GARNL3: variants seen among roughly 807,000 people sequenced by gnomAD.
GARNL3 encodes GTPase-activating Rap/Ran-GAP domain-like protein 3.
Under a neutral mutation model 125.0 loss-of-function variants are expected in GARNL3, and 63 were observed. The ratio of observed to expected loss-of-function variants is 0.50; its 90% confidence interval spans 0.41 to 0.62. The LOEUF (loss-of-function observed/expected upper bound fraction) is 0.62. Among genes scored for constraint, GARNL3 ranks in the 20% least tolerant of loss-of-function variants. The pLI, the probability that GARNL3 is intolerant of heterozygous loss-of-function variation, is 0.00. For missense variants in GARNL3, 994 were observed against 1,244.0 expected, an observed-to-expected ratio of 0.80 and a Z score of 3.02; for synonymous variants, 439 against 457.5, an observed-to-expected ratio of 0.96 and a Z score of 0.52.
At position 127,384,238 on chromosome 9, in the gene GARNL3, C is replaced by T. The variant is rs1052270127; in HGVS notation, c.2269+693C>T. Among the ~76,000 whole-genome samples the T allele has an allele frequency of 2.6e-5, 4 of 152,134 alleles. No individual in the cohort carries two copies. Among genetic ancestry groups the T allele is most frequent in the African/African-American group, 9.7e-5 (4 of 41,426 alleles). ...GACAGGAAAGGGAGATTTTGAACCA[C>T]GTTGCTGGAGGGGCTTGAAAGTCAT... On this transcript the variant is annotated intron_variant, in intron 23 of 27. Coordinates refer to ENST00000373387, the MANE Select transcript of GARNL3 (RefSeq NM_032293.5). This position sits in a 1 kb window ranked among gnomAD's most constrained non-coding sequence, Gnocchi z 4.0.
intron 2 of GARNL3, among the ~76,000 whole-genome samples, chr9:127,253,948 C>T (rs1192692901): frequency 6.6e-6 from 1 of 152,140 alleles, no homozygotes; most frequent in Non-Finnish European, 1.5e-5. Flanking sequence ...AGATTAGACA[C>T]TAGAAGGTCC....
chr9:127,318,331 T>C (rs1450117372), intron 5 of GARNL3, among the ~76,000 whole-genome samples: 1 of 152,154 alleles, frequency 6.6e-6, no homozygotes. Context: ...GACTGTGCCA[T>C]TTTATAGATG....
At chr9:127,325,396 G>A (rs2065538187) in intron 7 of GARNL3, among the ~76,000 whole-genome samples, 1 of 152,150 alleles carries the variant, frequency 6.6e-6, no homozygotes, top group African/African-American at 2.4e-5. Flanking sequence ...CATTAAAGTA[G>A]GGTGTGTGTG....
chr9:127,235,176 T>G (rs2063088738), intron 1 of GARNL3, among the ~76,000 whole-genome samples: 1 of 151,336 alleles, frequency 6.6e-6, no homozygotes, highest in Non-Finnish European at 1.5e-5. Flanking sequence ...TGAGAAAGTT[T>G]CCTTTTTTCC....
chr9:127,226,432 G>A, intron 1 of GARNL3, among the ~76,000 whole-genome samples: 1 of 152,212 alleles, frequency 6.6e-6, no homozygotes, highest in East Asian at 1.9e-4. Context: ...CATCGCGGGG[G>A]CAGAGAACAG....
chr9:127,358,970 G>T (rs1382106099), intron 21 of GARNL3, among the ~76,000 whole-genome samples: 2 of 152,014 alleles, frequency 1.3e-5, no homozygotes, highest in Non-Finnish European at 2.9e-5. Flanking sequence ...AGAATCTGGG[G>T]GGGTGTGGTA....
chr9:127,246,319 A>T (rs954095247), intron 2 of GARNL3, among the ~76,000 whole-genome samples: 1 of 152,158 alleles, frequency 6.6e-6, no homozygotes, highest in African/African-American at 2.4e-5. Flanking sequence ...AGCAACAGGA[A>T]TGGTGGGATT....
intron 9 of GARNL3, among the ~76,000 whole-genome samples, chr9:127,333,533 G>A (rs1829381113): frequency 6.6e-6 from 1 of 152,172 alleles, no homozygotes; most frequent in African/African-American, 2.4e-5. Context: ...CAACTGAGAA[G>A]AAAAAGTACA....
At chr9:127,272,794 T>C (rs2063855911) in intron 1 of GARNL3, among the ~76,000 whole-genome samples, 2 of 152,172 alleles carry the variant, frequency 1.3e-5, no homozygotes, top group African/African-American at 4.8e-5. Context: ...CACCAACAAG[T>C]TAACATGTTT....
chr9:127,286,619 T>C (rs1041767210), intron 1 of GARNL3, among the ~76,000 whole-genome samples: 1 of 152,232 alleles, frequency 6.6e-6, no homozygotes, highest in African/African-American at 2.4e-5. Context: ...CATTTTGAAA[T>C]TCAGTAATTA....
At chr9:127,286,343 T>C (rs559392370) in intron 1 of GARNL3, among the ~76,000 whole-genome samples, 3 of 152,322 alleles carry the variant, frequency 2.0e-5, no homozygotes, top group African/African-American at 7.2e-5. Flanking sequence ...CACTAGTAGT[T>C]CTCCTTTAGT....
At chr9:127,339,772 A>G (rs1418068527) in intron 13 of GARNL3, 21 bp downstream of exon 13, 13 of 1,469,630 alleles carry the variant, frequency 8.8e-6, no homozygotes, top group Non-Finnish European at 1.2e-5. Context: ...GTTTTGAAAC[A>G]ATTTTGCAAC....
At chr9:127,335,656 A>G (rs894623298) in intron 10 of GARNL3, among the ~76,000 whole-genome samples, 10 of 151,618 alleles carry the variant, frequency 6.6e-5, no homozygotes, top group African/African-American at 2.4e-4. Flanking sequence ...TTTTTAATAT[A>G]TTTGATTCAA....
intron 1 of GARNL3, among the ~76,000 whole-genome samples, chr9:127,241,780 TTTTG>T (rs2063209208): frequency 6.6e-6 from 1 of 151,982 alleles, no homozygotes; most frequent in Admixed American, 6.6e-5. Flanking sequence ...TTTTGTTTTG[TTTTG>T]TTTGAGACAG....
intron 26 of GARNL3, among the ~76,000 whole-genome samples, chr9:127,389,364 G>A (rs1396601825): frequency 6.6e-6 from 1 of 152,052 alleles, no homozygotes; most frequent in African/African-American, 2.4e-5. Context: ...GGGGGAAATG[G>A]GCAGTTTATA....
chr9:127,278,598 T>C lies in GARNL3; in HGVS notation c.145-12570T>C, dbSNP rs1038246563. Among the ~76,000 whole-genome samples, 4 of 152,234 alleles carry C rather than the reference T, an allele frequency of 2.6e-5. No individual in the cohort carries two copies. The East Asian group carries it at 5.8e-4, about 22-fold the overall frequency. On this transcript the variant is annotated intron_variant, in intron 1 of 27. Coordinates refer to ENST00000373387, the MANE Select transcript of GARNL3 (RefSeq NM_032293.5). ...CTTTTAAGTGTCTGAGTCATCACCTTTTTCCTTTAAAACTTCACAAATGTT... is the reference window on the plus strand; with the variant it reads ...CTTTTAAGTGTCTGAGTCATCACCTCTTTCCTTTAAAACTTCACAAATGTT...
At position 127,383,519 on chromosome 9, in the gene GARNL3, G is replaced by A. The variant is rs1832382126; in HGVS notation, c.2243G>A (p.Cys748Tyr). 1 of 1,613,112 alleles carries A rather than the reference G, an allele frequency of 6.2e-7. No homozygotes were observed. Among genetic ancestry groups the A allele is most frequent in the Non-Finnish European group, 8.5e-7 (1 of 1,179,528 alleles). Residue 748 changes from cysteine (C) to tyrosine (Y), a missense_variant, in exon 23 of 28, where the codon TGT becomes TAT. By Grantham distance (194) the Cys-to-Tyr change is radical. Transcript: ENST00000373387. Reference protein sequence around the residue: ...VQPSASDFQFCWNQAPYAIVC... With the variant: ...VQPSASDFQFYWNQAPYAIVC... Reference sequence around the variant, plus strand: ...CCTTCTGCGTCAGATTTCCAGTTCTGTTGGAACCAGGCTCCCTATGCAATT... The same window carrying A: ...CCTTCTGCGTCAGATTTCCAGTTCTATTGGAACCAGGCTCCCTATGCAATT...
intron 27 of GARNL3, among the ~76,000 whole-genome samples, chr9:127,391,750 C>G (rs1832881677): frequency 6.6e-6 from 1 of 150,966 alleles, no homozygotes; most frequent in African/African-American, 2.4e-5. Flanking sequence ...AACAGGTGCT[C>G]TCTATGCAGT....
intron 22 of GARNL3, among the ~76,000 whole-genome samples, chr9:127,373,715 A>AT (rs1302708746): frequency 6.6e-6 from 1 of 152,108 alleles, no homozygotes; most frequent in Non-Finnish European, 1.5e-5. Context: ...GGCCACTTTG[A>AT]TTTTGCTGCT....
Sources: allele counts gnomAD v4.1 joint callset (sites outside exome capture counted in the v4.1 genomes callset), GRCh38; gene constraint gnomAD v4.1.1; non-coding constraint Gnocchi (gnomAD v3.1); transcripts MANE v1.5; gene names NCBI Gene and HGNC (gene_info 2026-07-23, HGNC 2026-07-21).